The following PSEN2 variants were observed in gnomAD, a reference collection of about 807,000 sequenced individuals.
PSEN2 encodes presenilin-2.
A neutral mutation model predicts 49.1 loss-of-function variants in PSEN2; 32 were observed. The ratio of observed to expected loss-of-function variants is 0.65; its 90% CI spans 0.49 to 0.88. PSEN2 has a LOEUF of 0.88. Among genes scored for constraint, PSEN2 ranks in the 40% least tolerant of loss-of-function variants. PSEN2 has a pLI of 0.00. For missense variants in PSEN2, 522 were observed against 586.9 expected (o/e 0.89, Z 1.14); for synonymous variants, 255 against 244.0 (o/e 1.05, Z -0.42).
Position 226,883,663 on chromosome 1 carries a change from G to A in PSEN2, c.142-42G>A, listed in dbSNP as rs1295643. Reference sequence around the variant, plus strand: ...CCGTGCATTACATGGATAGGCTGCCGTGGGGGACATTCTGCGGCCCTCACG... The same window carrying A: ...CCGTGCATTACATGGATAGGCTGCCATGGGGGACATTCTGCGGCCCTCACG... On this transcript the variant is annotated intron_variant, in intron 4 of 12. Transcript: ENST00000366783. The A allele has an allele frequency of 0.51, 808,689 of 1,583,804 alleles. 208,370 individuals are homozygous for A. The highest frequency in any genetic ancestry group is 0.65 in the Middle Eastern group (3,283 of 5,046).
chr1:226,881,737 T>C (rs1043813410), intron 3 of PSEN2, 151 bp from the exon 4 acceptor site: 3 of 852,278 alleles, frequency 3.5e-6, no homozygotes, highest in Non-Finnish European at 5.9e-6. Context: ...TCTTGTTTTA[T>C]GGCAGTCGTT....
chr1:226,888,988 G>A lies in PSEN2; in HGVS notation c.726G>A (p.Val242=). 1 of 1,614,154 alleles carries A rather than the reference G, an allele frequency of 6.2e-7. No individual in the cohort carries two copies. The highest frequency in any genetic ancestry group is 1.1e-5 in the South Asian group (1 of 91,088). The part of the protein sequence containing the change: ...LIMISALMAL[V]FIKYLPEWSA... ...TGATCAGTGCGCTCATGGCCCTAGTGTTCATCAAGTACCTCCCAGAGTGGT... is the reference window on the plus strand; with the variant it reads ...TGATCAGTGCGCTCATGGCCCTAGTATTCATCAAGTACCTCCCAGAGTGGT... Residue 242 remains valine (V), a synonymous_variant, in exon 8 of 13, where the codon GTG becomes GTA. Transcript: ENST00000366783.
chr1:226,882,047 G>A lies in PSEN2; in HGVS notation c.140G>A (p.Trp47Ter), dbSNP rs1412682521. Residue 47 changes from tryptophan (W) to a stop codon, truncating the protein, a stop_gained and splice_region_variant, in exon 4 of 13, where the codon TGG becomes TAG. Transcript: ENST00000366783. LOFTEE classifies it high-confidence loss of function. Reference sequence around the variant, plus strand: ...GAGGATGGAGAGAACACTGCCCAGTGGGTAGGTCCCACCAGCAGCTGGGGG... The same window carrying A: ...GAGGATGGAGAGAACACTGCCCAGTAGGTAGGTCCCACCAGCAGCTGGGGG... ...GPEDGENTAQ[W>*]RSQENEEDGE... 1.2e-6 allele frequency: 2 copies of A among 1,613,754 alleles called. No homozygotes were observed. Among genetic ancestry groups the A allele is most frequent in the Non-Finnish European group, 1.7e-6 (2 of 1,179,998 alleles).
chr1:226,891,722 C>G, intron 10 of PSEN2, 21 bp from the exon 11 acceptor site: 1 of 1,594,712 alleles, frequency 6.3e-7, no homozygotes, highest in South Asian at 1.1e-5. Flanking sequence ...TGACGGACAT[C>G]TTCTCTTCCT....
chr1:226,877,228 G>A (rs1480756406), intron 3 of PSEN2, among the ~76,000 whole-genome samples: 1 of 152,136 alleles, frequency 6.6e-6, no homozygotes, highest in Non-Finnish European at 1.5e-5. Context: ...TCCCGAATGC[G>A]GATCCCTGAC....
chr1:226,889,685 A>C (rs967990543), intron 8 of PSEN2, among the ~76,000 whole-genome samples: 1 of 152,250 alleles, frequency 6.6e-6, no homozygotes, highest in African/African-American at 2.4e-5. Context: ...ATGCATATAC[A>C]TAACCCCAAA....
At chr1:226,879,827 G>A (rs1464412363) in intron 3 of PSEN2, among the ~76,000 whole-genome samples, 2 of 152,170 alleles carry the variant, frequency 1.3e-5, no homozygotes, top group African/African-American at 4.8e-5. Context: ...TGTTACTCCT[G>A]TACTTGTCTC....
chr1:226,891,810 C>T lies in PSEN2; in HGVS notation c.1038C>T (p.Gly346=). 6.2e-7 allele frequency: 1 copy of T among 1,614,148 alleles called. No individual in the cohort carries two copies. Among genetic ancestry groups the T allele is most frequent in the Non-Finnish European group, 8.5e-7 (1 of 1,180,014 alleles). Residue 346 remains glycine, a synonymous_variant, in exon 11 of 13, where the codon GGC becomes GGT. Coordinates refer to ENST00000366783, the MANE Select transcript of PSEN2 (RefSeq NM_000447.3). Reference sequence around the variant, plus strand: ...AAGTCTTTGAGCCTCCCTTGACTGGCTACCCAGGGGAGGAGCTGGAGGAAG... The same window carrying T: ...AAGTCTTTGAGCCTCCCTTGACTGGTTACCCAGGGGAGGAGCTGGAGGAAG... ...YPEVFEPPLT[G]YPGEELEEEE...
intron 7 of PSEN2, 59 bp downstream of exon 7, chr1:226,888,217 A>G: frequency 6.9e-7 from 1 of 1,445,094 alleles, no homozygotes; most frequent in South Asian, 1.1e-5. Context: ...GCACAAGTGG[A>G]CATGGGCATG....
chr1:226,881,946 G>A lies in PSEN2; in HGVS notation c.39G>A (p.Val13=). The change falls in exon 4 of 13, where the codon GTG becomes GTA. Residue 13 remains valine (V), a synonymous_variant. Coordinates refer to ENST00000366783, the MANE Select transcript of PSEN2 (RefSeq NM_000447.3). ...TFMASDSEEE[V]CDERTSLMSA... ...TGGCCTCTGACAGCGAGGAAGAAGT[G>A]TGTGATGAGCGGACGTCCCTAATGT... is the stretch of plus-strand genomic sequence containing the variant. 6.2e-7 allele frequency: 1 copy of A among 1,614,130 alleles called. No individual in the cohort carries two copies. The highest frequency in any genetic ancestry group is 8.5e-7 in the Non-Finnish European group (1 of 1,179,984).
Position 226,887,782 on chromosome 1 carries a change from G to T in PSEN2, c.499-309G>T, listed in dbSNP as rs573164088. 1.2e-4 allele frequency among the ~76,000 whole-genome samples: 19 copies of T among 152,264 alleles called. No individual in the cohort carries two copies. In the South Asian group the frequency reaches 3.7e-3, roughly 30 times the overall value. ...CCTTGGTTCCAGAGCCTAGAACAGT[G>T]CCTGGCAAGTAGGAGACACCCAGCA... On this transcript the variant is annotated intron_variant, in intron 6 of 12. Coordinates refer to ENST00000366783, the MANE Select transcript of PSEN2 (RefSeq NM_000447.3).
At chr1:226,883,959 CTGAGTT>C in intron 5 of PSEN2, 40 bp downstream of exon 5, 2 of 745,582 alleles carry the variant, frequency 2.7e-6, no homozygotes, top group Non-Finnish European at 3.5e-6. Flanking sequence ...GGGGTGAGGG[CTGAGTT>C]GCCAGGGGGT....
At chr1:226,892,279 G>A (rs1661810738) in intron 11 of PSEN2, among the ~76,000 whole-genome samples, 1 of 152,188 alleles carries the variant, frequency 6.6e-6, no homozygotes, top group African/African-American at 2.4e-5. Flanking sequence ...TCTGAAGGTT[G>A]AGTCACAGCA....
rs3213437 is a variant in PSEN2, at chr1:226,894,366, G to T, written c.1191+241G>T. ...TGCAGGGGAGGGTGAGGAGTGTACC[G>T]GCCCCAGCGTGGCTGAGCACACAGC... On this transcript the variant is annotated intron_variant, in intron 12 of 12. Coordinates refer to ENST00000366783, the MANE Select transcript of PSEN2 (RefSeq NM_000447.3). Among the ~76,000 whole-genome samples the T allele has an allele frequency of 6.5e-3, 987 of 152,326 alleles. 34 individuals are homozygous for T. In the East Asian group the frequency reaches 0.076, roughly 12 times the overall value.
intron 3 of PSEN2, among the ~76,000 whole-genome samples, chr1:226,878,047 C>T (rs188629369): frequency 3.2e-4 from 49 of 152,202 alleles, no homozygotes; most frequent in Middle Eastern, 3.4e-3. Flanking sequence ...CACAGAACTG[C>T]TTTCCAGGGA....
rs1325639403 is a variant in PSEN2, at chr1:226,885,543, A to G, written c.362A>G (p.Tyr121Cys). The change falls in exon 6 of 13, where the codon TAC becomes TGC. Residue 121 changes from tyrosine (Y) to cysteine (C), a missense_variant. Tyr to Cys is a radical substitution (Grantham distance 194). Transcript: ENST00000366783. ...CCCTTTGCCTTCTCCCTCAGCATCTACACGCCATTCACTGAGGACACACCC... is the reference window on the plus strand; with the variant it reads ...CCCTTTGCCTTCTCCCTCAGCATCTGCACGCCATTCACTGAGGACACACCC... Reference protein sequence around the residue: ...FYTEKNGQLIYTPFTEDTPSV... With the variant: ...FYTEKNGQLICTPFTEDTPSV... 1 of 1,613,990 alleles carries G rather than the reference A, an allele frequency of 6.2e-7. No individual in the cohort carries two copies. Among genetic ancestry groups the G allele is most frequent in the Non-Finnish European group, 8.5e-7 (1 of 1,179,974 alleles).
chr1:226,888,070 C>T (rs779026658), intron 6 of PSEN2, 21 bp from the exon 7 acceptor site: 23 of 1,604,718 alleles, frequency 1.4e-5, no homozygotes, highest in South Asian at 3.3e-5. Context: ...ACCTTGTGAT[C>T]GTGCAATTTC....
intron 11 of PSEN2, among the ~76,000 whole-genome samples, chr1:226,893,734 G>A (rs1461010640): frequency 6.6e-6 from 1 of 152,186 alleles, no homozygotes; most frequent in African/African-American, 2.4e-5. Flanking sequence ...CTCTCTAAGT[G>A]CCCAACACTG....
chr1:226,883,935 G>T lies in PSEN2; in HGVS notation c.356+16G>T, dbSNP rs377096583. 23 of 1,590,602 alleles carry T rather than the reference G, an allele frequency of 1.4e-5. 1 individual carries two copies. The South Asian group carries it at 2.5e-4, about 18-fold the overall frequency. On this transcript the variant is annotated intron_variant, in intron 5 of 12. Coordinates refer to ENST00000366783, the MANE Select transcript of PSEN2 (RefSeq NM_000447.3). ...ATGGACAGCTGTGAGTTGGGGGGCT[G>T]GGGGGAGCAGGGTGGGGTGAGGGCT...
Sources: gnomAD v4.1 joint callset for allele counts (sites outside exome capture counted in the v4.1 genomes callset) on GRCh38, gnomAD v4.1.1 for gene constraint, MANE v1.5 for transcripts, NCBI Gene and HGNC (gene_info 2026-07-23, HGNC 2026-07-21) for gene names.